The following SALL4 variants were observed in gnomAD, a reference collection of about 807,000 sequenced individuals.
The protein encoded by SALL4 is sal-like protein 4.
Under a neutral mutation model 60.8 loss-of-function variants are expected in SALL4, and 4 were observed. The ratio of observed to expected loss-of-function variants is 0.07; its 90% CI spans 0.03 to 0.15. The LOEUF is 0.15. Ranked by LOEUF, SALL4 falls within the 10% of genes least tolerant of loss-of-function variation. The pLI is 1.00. For synonymous variants in SALL4, 580 were observed against 574.9 expected (o/e 1.01, Z -0.13); for missense variants, 1,178 against 1,394.7 (o/e 0.84, Z 2.48).
intron 2 of SALL4, among the ~76,000 whole-genome samples, 165 bp downstream of exon 2, chr20:51,789,857 T>C (rs2078021655): frequency 6.6e-6 from 1 of 152,214 alleles, no homozygotes; most frequent in Non-Finnish European, 1.5e-5. Flanking sequence ...GTTACTAGGA[T>C]AGAGGCAGTT....
chr20:51,785,504 TA>T (rs756675997), intron 3 of SALL4, among the ~76,000 whole-genome samples: 25 of 152,180 alleles, frequency 1.6e-4, no homozygotes, highest in Non-Finnish European at 3.2e-4. Context: ...TTATATCACC[TA>T]ACAAACATTC....
At chr20:51,800,526 G>A (rs550698276) in intron 1 of SALL4, among the ~76,000 whole-genome samples, 28 of 152,238 alleles carry the variant, frequency 1.8e-4, no homozygotes, top group Admixed American at 1.0e-3. Flanking sequence ...CTTCCCTCCC[G>A]AAAGGTGCCA....
intron 1 of SALL4, among the ~76,000 whole-genome samples, chr20:51,794,111 G>A (rs1003806754): frequency 1.3e-5 from 2 of 152,214 alleles, no homozygotes; most frequent in African/African-American, 4.8e-5. Flanking sequence ...TGAGAACAAT[G>A]CCTTACAATA....
At chr20:51,795,072 A>G (rs2122971649) in intron 1 of SALL4, among the ~76,000 whole-genome samples, 1 of 152,314 alleles carries the variant, frequency 6.6e-6, no homozygotes, top group East Asian at 1.9e-4. Context: ...ACTTCCAGGT[A>G]GAGTTCTAGT....
rs143984107 is a variant in SALL4 at position 51,791,522 on chromosome 20, G to A, written c.961C>T (p.Arg321Trp). Residue 321 changes from arginine to tryptophan, a missense_variant, in exon 2 of 4, where the codon CGG becomes TGG. Arg to Trp is a moderately radical substitution (Grantham distance 101). Around this residue, in one of 5 missense-constraint regions of SALL4, gnomAD observed 853 missense variants for 1,036.8 expected, o/e 0.82. Coordinates refer to ENST00000217086, the MANE Select transcript of SALL4 (RefSeq NM_020436.5). The surrounding 1 kb of genome is among the most constrained non-coding windows in gnomAD (Gnocchi z 4.6). ...CGGGACATGACGTTCGGGAGCACCC[G>A]GGTCCCATCCGGCTTCAGAGTGAAG... ...APFTLKPDGTRVLPNVMSRLP... is the reference protein window; with the variant it reads ...APFTLKPDGTWVLPNVMSRLP... 9.4e-5 allele frequency: 151 copies of A among 1,613,812 alleles called. 1 individual carries two copies. The highest frequency in any genetic ancestry group is 1.1e-4 in the Non-Finnish European group (135 of 1,180,036).
chr20:51,785,628 G>C (rs2077986417), intron 3 of SALL4, among the ~76,000 whole-genome samples: 1 of 152,092 alleles, frequency 6.6e-6, no homozygotes, highest in Non-Finnish European at 1.5e-5. Context: ...CCAAGTGCCA[G>C]GGTTAACATT....
In SALL4 at chr20:51,783,708, C is replaced by T. The variant is rs947839224; in HGVS notation, c.*557G>A. The T allele has an allele frequency of 5.1e-5, 8 of 157,032 alleles. No homozygotes were observed. The highest frequency in any genetic ancestry group is 4.8e-4 in the Admixed American group (8 of 16,670). 9.7% of individuals were successfully genotyped at this position (157,032 alleles called of 1,614,324 possible). A position where few individuals can be genotyped will look rare whatever the true frequency, so the allele number is the denominator to read the frequency against. On this transcript the variant is annotated 3_prime_UTR_variant, in exon 4 of 4. Coordinates refer to ENST00000217086, the MANE Select transcript of SALL4 (RefSeq NM_020436.5). ...TAACAAAGCTACTTTGCAAGACCCG[C>T]TTCTTTCCAAAATTAGAAAAAAAAA...
At chr20:51,793,656 T>C (rs765981938) in intron 1 of SALL4, among the ~76,000 whole-genome samples, 1 of 152,146 alleles carries the variant, frequency 6.6e-6, no homozygotes, top group Non-Finnish European at 1.5e-5. Context: ...CTCAAACTCC[T>C]GGGTGCAAGT....
intron 2 of SALL4, 97 bp from the exon 3 acceptor site, chr20:51,789,238 G>C: frequency 7.1e-7 from 1 of 1,403,832 alleles, no homozygotes; most frequent in Non-Finnish European, 9.7e-7. Flanking sequence ...CTGCCTGCTA[G>C]TTTGAGAGTC....
chr20:51,792,709 A>G, intron 1 of SALL4: 2 of 803,878 alleles, frequency 2.5e-6, no homozygotes, highest in Non-Finnish European at 3.1e-6. Flanking sequence ...AAAAAAAAAA[A>G]GGCAAAAAGG....
intron 1 of SALL4, among the ~76,000 whole-genome samples, chr20:51,799,544 C>T (rs2078097927): frequency 6.6e-6 from 1 of 152,198 alleles, no homozygotes; most frequent in African/African-American, 2.4e-5. Context: ...TTTTATTCAA[C>T]AAAAGGAGCT....
In SALL4 at chr20:51,784,534, C is replaced by A; in HGVS notation, c.2893G>T (p.Asp965Tyr). 1.2e-6 allele frequency: 2 copies of A among 1,614,160 alleles called. No individual in the cohort carries two copies. Among genetic ancestry groups the A allele is most frequent in the Non-Finnish European group, 1.7e-6 (2 of 1,180,036 alleles). Residue 965 changes from aspartate to tyrosine, a missense_variant, in exon 4 of 4, where the codon GAC becomes TAC. By Grantham distance (160) the Asp-to-Tyr change is radical. Coordinates refer to ENST00000217086, the MANE Select transcript of SALL4 (RefSeq NM_020436.5). ...KEILAPSVNV[D>Y]PVVWNQYTSM... Reference sequence around the variant, plus strand: ...GTGTACTGGTTCCACACAACAGGGTCCACATTCACTGAAGGGGCCAGGATT... The same window carrying A: ...GTGTACTGGTTCCACACAACAGGGTACACATTCACTGAAGGGGCCAGGATT...
Position 51,792,016 on chromosome 20 carries a change from T to A in SALL4, c.467A>T (p.Lys156Met), listed in dbSNP as rs1465300574. The A allele has an allele frequency of 1.2e-6, 2 of 1,614,148 alleles. No individual in the cohort carries two copies. The highest frequency in any genetic ancestry group is 1.7e-6 in the Non-Finnish European group (2 of 1,180,018). ...KPDAESVVYL[K>M]TETALPPTPQ... is the part of the protein sequence containing the mutation. ...GGTGGGTGGCAGGGCTGTCTCTGTC[T>A]TTAGGTACACCACAGACTCCGCATC... The change falls in exon 2 of 4, where the codon AAG becomes ATG. Residue 156 changes from lysine to methionine, a missense_variant. Coordinates refer to ENST00000217086, the MANE Select transcript of SALL4 (RefSeq NM_020436.5).
At position 51,791,353 on chromosome 20, in the gene SALL4, G is replaced by T. The variant is rs758458189; in HGVS notation, c.1130C>A (p.Ala377Glu). The T allele has an allele frequency of 1.2e-6, 2 of 1,614,162 alleles. No homozygotes were observed. Among genetic ancestry groups the T allele is most frequent in the Non-Finnish European group, 1.7e-6 (2 of 1,180,040 alleles). Residue 377 changes from alanine to glutamate, a missense_variant, in exon 2 of 4, where the codon GCG becomes GAG. By Grantham distance (107) the Ala-to-Glu change is moderately radical. Around this residue, in one of 5 missense-constraint regions of SALL4, gnomAD observed 853 missense variants for 1,036.8 expected, o/e 0.82. Transcript: ENST00000217086. The surrounding 1 kb of genome is among the most constrained non-coding windows in gnomAD (Gnocchi z 4.6). ...SAVDVKPKDE[A>E]ALYKHKCKYC... ...CTTACACTTGTGCTTGTAGAGGGCC[G>T]CCTCGTCTTTGGGTTTGACATCCAC...
intron 3 of SALL4, among the ~76,000 whole-genome samples, chr20:51,785,874 C>A (rs534300878): frequency 6.6e-6 from 1 of 151,830 alleles, no homozygotes; most frequent in African/African-American, 2.4e-5. Context: ...GATCTCGTGA[C>A]CTCGTGGTCC....
intron 3 of SALL4, among the ~76,000 whole-genome samples, chr20:51,785,956 TA>T (rs2077989383): frequency 1.3e-5 from 2 of 149,694 alleles, no homozygotes; most frequent in Non-Finnish European, 3.0e-5. Flanking sequence ...TTTTGAGTCT[TA>T]ATCTGTCACC....
In SALL4 at chr20:51,784,090, A is replaced by G. The variant is rs2077972262; in HGVS notation, c.*175T>C. The G allele has an allele frequency of 1.4e-6, 1 of 710,434 alleles. No individual in the cohort carries two copies. Among genetic ancestry groups the G allele is most frequent in the East Asian group, 2.7e-5 (1 of 37,460 alleles). 44.0% of individuals were successfully genotyped at this position (710,434 alleles called of 1,614,324 possible). On this transcript the variant is annotated 3_prime_UTR_variant, in exon 4 of 4. Transcript: ENST00000217086. ...TTTTTTCAACTTTTTGCAAAGCAGC[A>G]TAGCAACAATCGTGATTGTAGCACT...
At position 51,792,299 on chromosome 20, in the gene SALL4, T is replaced by C. The variant is rs767807086; in HGVS notation, c.184A>G (p.Thr62Ala). 6.2e-6 allele frequency: 10 copies of C among 1,609,714 alleles called. No homozygotes were observed. The highest frequency in any genetic ancestry group is 1.7e-5 in the Admixed American group (1 of 60,014). The change falls in exon 2 of 4, where the codon ACA becomes GCA. Residue 62 changes from threonine to alanine, a missense_variant. Thr to Ala is a moderately conservative substitution (Grantham distance 58). Transcript: ENST00000217086. The part of the protein sequence containing the change: ...NDEVASEDEA[T>A]VKRLRREETH... ...TCCTCCCGACGAAGCCGCTTTACTG[T>C]GGCTTCATCCTCACTCGCCACCTCG...
In SALL4 at chr20:51,788,649, G is replaced by A. The variant is rs1320462084; in HGVS notation, c.2742+212C>T. Among the ~76,000 whole-genome samples, 1 of 152,194 alleles carries A rather than the reference G, an allele frequency of 6.6e-6. No individual in the cohort carries two copies. The highest frequency in any genetic ancestry group is 2.1e-4 in the South Asian group (1 of 4,824). ...GAGCTTGCAGTGAGCTTGAGCTTGA[G>A]ATGGCGCCACTGCACTCCAGTCTGG... On this transcript the variant is annotated intron_variant, in intron 3 of 3. Coordinates refer to ENST00000217086, the MANE Select transcript of SALL4 (RefSeq NM_020436.5). This position sits in a 1 kb window ranked among gnomAD's most constrained non-coding sequence, Gnocchi z 4.1.
Sources: gnomAD v4.1 joint callset for allele counts (sites outside exome capture counted in the v4.1 genomes callset) on GRCh38, gnomAD v4.1.1 for gene constraint, gnomAD v4.1.1 regional missense constraint, Gnocchi (gnomAD v3.1) non-coding constraint, MANE v1.5 for transcripts, NCBI Gene and HGNC (gene_info 2026-07-23, HGNC 2026-07-21) for gene names.